Variants in UHRF2 observed in about 807,000 individuals in gnomAD.
The protein encoded by UHRF2 is ubiquitin like with PHD and ring finger domains 2.
UHRF2 carries 23 observed loss-of-function variants against 96.8 expected under a neutral mutation model. The ratio of observed to expected loss-of-function variants is 0.24; its 90% CI spans 0.17 to 0.34. The LOEUF is 0.34. Among genes scored for constraint, UHRF2 ranks in the 10% least tolerant of loss-of-function variants. The pLI is 1.00. For synonymous variants in UHRF2, 385 were observed against 332.6 expected, an observed-to-expected ratio of 1.16 and a Z score of -1.72; for missense variants, 685 against 981.5, an observed-to-expected ratio of 0.70 and a Z score of 4.04.
At chr9:6,441,624 T>G (rs1235017173) in intron 3 of UHRF2, among the ~76,000 whole-genome samples, 1 of 152,134 alleles carries the variant, frequency 6.6e-6, no homozygotes, top group Non-Finnish European at 1.5e-5. Context: ...GGAAAGGAGT[T>G]GATATATGAC....
chr9:6,469,449 CAG>C (rs747519261), intron 4 of UHRF2, among the ~76,000 whole-genome samples: 1 of 151,792 alleles, frequency 6.6e-6, no homozygotes, highest in Non-Finnish European at 1.5e-5. Flanking sequence ...ACCTGGGAGA[CAG>C]AGGTTGCAGT....
intron 4 of UHRF2, among the ~76,000 whole-genome samples, chr9:6,462,714 C>T (rs766302991): frequency 1.3e-5 from 2 of 151,442 alleles, no homozygotes; most frequent in South Asian, 2.1e-4. Flanking sequence ...GTCAGGAGTT[C>T]GAGACCAGCC....
rs1820701341 is a variant in UHRF2, at chr9:6,434,116, C to G, written c.587C>G (p.Ser196Cys). 1.2e-6 allele frequency: 2 copies of G among 1,614,124 alleles called. No homozygotes were observed. The highest frequency in any genetic ancestry group is 1.7e-6 in the Non-Finnish European group (2 of 1,180,028). The stretch of plus-strand genomic sequence containing the variant: ...AAATTGGACAGTGTACCCTCTACGT[C>G]TAATTCAGACTGTGTTGCTGCTGAT... ...TNKLDSVPSTSNSDCVAADED... is the reference protein window; with the variant it reads ...TNKLDSVPSTCNSDCVAADED... The change falls in exon 3 of 16, where the codon TCT (serine) becomes TGT (cysteine). Residue 196 changes from serine (S) to cysteine (C), a missense_variant. Physicochemically the swap from Ser to Cys is moderately radical, Grantham distance 112. Coordinates refer to ENST00000276893, the MANE Select transcript of UHRF2 (RefSeq NM_152896.3).
intron 4 of UHRF2, among the ~76,000 whole-genome samples, chr9:6,466,549 A>AG (rs1822869341): frequency 1.5e-5 from 1 of 65,950 alleles, no homozygotes; most frequent in African/African-American, 6.9e-5. Context: ...CAAAAAAAAA[A>AG]GGAAAAAAAA....
chr9:6,434,507 C>T (rs767696105), intron 3 of UHRF2, among the ~76,000 whole-genome samples: 4 of 152,086 alleles, frequency 2.6e-5, no homozygotes, highest in East Asian at 1.9e-4. Context: ...GGCACAATCT[C>T]GCCTCACTGC....
chr9:6,438,172 A>G (rs1451862525), intron 3 of UHRF2, among the ~76,000 whole-genome samples: 2 of 152,240 alleles, frequency 1.3e-5, no homozygotes, highest in Non-Finnish European at 2.9e-5. Context: ...ATTTCTGTAT[A>G]ACACAGAAGG....
chr9:6,465,167 A>C (rs1297449237), intron 4 of UHRF2, among the ~76,000 whole-genome samples: 2 of 152,198 alleles, frequency 1.3e-5, no homozygotes, highest in Non-Finnish European at 2.9e-5. Context: ...AAACATATAA[A>C]ATTTCATCAA....
chr9:6,460,623 G>A lies in UHRF2; in HGVS notation c.695G>A (p.Arg232Gln). ...LEMNVKDLRP[R>Q]ARTILKWNEL... ...ATGAATGTCAAGGATCTTAGACCACGAGCTAGAACCATTTTGAAATGGAAT... is the reference window on the plus strand; with the variant it reads ...ATGAATGTCAAGGATCTTAGACCACAAGCTAGAACCATTTTGAAATGGAAT... Residue 232 changes from arginine to glutamine, a missense_variant, in exon 4 of 16, where the codon CGA becomes CAA. Physicochemically the swap from Arg to Gln is conservative, Grantham distance 43. Coordinates refer to ENST00000276893, the MANE Select transcript of UHRF2 (RefSeq NM_152896.3). 6.2e-7 allele frequency: 1 copy of A among 1,611,984 alleles called. No individual in the cohort carries two copies. Among genetic ancestry groups the A allele is most frequent in the Non-Finnish European group, 8.5e-7 (1 of 1,179,140 alleles).
chr9:6,483,801 T>C (rs1824077183), intron 8 of UHRF2, among the ~76,000 whole-genome samples: 1 of 152,154 alleles, frequency 6.6e-6, no homozygotes, highest in Non-Finnish European at 1.5e-5. Flanking sequence ...GCAATTCTCC[T>C]GCCTCAGCCT....
intron 3 of UHRF2, among the ~76,000 whole-genome samples, chr9:6,448,665 A>T (rs1402084184): frequency 6.6e-6 from 1 of 152,228 alleles, no homozygotes; most frequent in African/African-American, 2.4e-5. Context: ...TGTTAAGAGT[A>T]ACAGTTTAAC....
intron 3 of UHRF2, among the ~76,000 whole-genome samples, chr9:6,439,764 T>C (rs1161296286): frequency 6.6e-6 from 1 of 152,178 alleles, no homozygotes; most frequent in African/African-American, 2.4e-5. Flanking sequence ...ACTCCTTTAG[T>C]GGGCACATAC....
In UHRF2 at chr9:6,445,981, C is replaced by CTTTGTTTTTTTTTTTTTT. The variant is rs751155835; in HGVS notation, c.644+11811_644+11812insGTTTTTTTTTTTTTTTTT. On this transcript the variant is annotated intron_variant, in intron 3 of 15. Coordinates refer to ENST00000276893, the MANE Select transcript of UHRF2 (RefSeq NM_152896.3). ...TAAATACTCTTCCCCCCCCGCCACC[C>CTTTGTTTTTTTTTTTTTT]TTTTTTTTTTTTTTTTTTTCCTGTT... is the stretch of plus-strand genomic sequence containing the variant. Among the ~76,000 whole-genome samples, 124 of 78,880 alleles carry CTTTGTTTTTTTTTTTTTT rather than the reference C, an allele frequency of 1.6e-3. 6 individuals are homozygous for CTTTGTTTTTTTTTTTTTT. Among genetic ancestry groups the CTTTGTTTTTTTTTTTTTT allele is most frequent in the African/African-American group, 5.8e-3 (111 of 19,032 alleles). 51.7% of individuals were successfully genotyped at this position (78,880 alleles called of 152,430 possible).
chr9:6,468,575 C>A (rs1823020177), intron 4 of UHRF2: 1 of 455,834 alleles, frequency 2.2e-6, no homozygotes, highest in Non-Finnish European at 4.4e-6. Flanking sequence ...TTCAGAGCAG[C>A]TAGGAGTAGG....
chr9:6,413,341 C>A lies in UHRF2; in HGVS notation c.-150C>A. 1.4e-6 allele frequency: 1 copy of A among 727,106 alleles called. No individual in the cohort carries two copies. The highest frequency in any genetic ancestry group is 1.8e-6 in the Non-Finnish European group (1 of 555,734). 45.0% of individuals were successfully genotyped at this position (727,106 alleles called of 1,614,324 possible). A position where few individuals can be genotyped will look rare whatever the true frequency, so the allele number is the denominator to read the frequency against. On this transcript the variant is annotated 5_prime_UTR_variant, in exon 1 of 16. Transcript: ENST00000276893. ...CGCGCTGAGAGTCGTCGCCGCCTGT[C>A]GGGCCCGGCGTCCGGTCGGTCCGGT...
chr9:6,489,450 A>G (rs899660206), intron 9 of UHRF2, among the ~76,000 whole-genome samples: 5 of 152,232 alleles, frequency 3.3e-5, no homozygotes, highest in African/African-American at 1.2e-4. Context: ...TTCCTGGGTC[A>G]TATGTGGCAG....
chr9:6,460,253 C>T (rs1822451749), intron 3 of UHRF2, among the ~76,000 whole-genome samples: 1 of 152,146 alleles, frequency 6.6e-6, no homozygotes, highest in Non-Finnish European at 1.5e-5. Flanking sequence ...ATAGCTCCCT[C>T]AAAGTAGATG....
chr9:6,474,280 A>G (rs890794326), intron 4 of UHRF2, among the ~76,000 whole-genome samples: 4 of 152,248 alleles, frequency 2.6e-5, no homozygotes, highest in African/African-American at 9.6e-5. Flanking sequence ...GGAAGGATGG[A>G]AAAAGTCTTC....
intron 3 of UHRF2, among the ~76,000 whole-genome samples, chr9:6,455,843 G>T (rs1004904061): frequency 1.3e-5 from 2 of 152,092 alleles, no homozygotes; most frequent in African/African-American, 4.8e-5. Context: ...AACTAGCCAG[G>T]CATAGTGGCA....
chr9:6,499,813 C>T (rs748262518), intron 12 of UHRF2, 22 bp from the exon 13 acceptor site: 3 of 1,548,988 alleles, frequency 1.9e-6, no homozygotes, highest in Non-Finnish European at 2.6e-6. Flanking sequence ...GCATTGTACT[C>T]TCCCTCCTCC....
Sources: allele counts gnomAD v4.1 joint callset (sites outside exome capture counted in the v4.1 genomes callset), GRCh38; gene constraint gnomAD v4.1.1; transcripts MANE v1.5; gene names NCBI Gene and HGNC (gene_info 2026-07-23, HGNC 2026-07-21).